FAM3B: variants seen among roughly 807,000 people sequenced by gnomAD.
FAM3B encodes FAM3 metabolism regulating signaling molecule B.
Under a neutral mutation model 28.4 loss-of-function variants are expected in FAM3B, and 29 were observed. The observed-to-expected ratio is 1.02, with a 90% CI of 0.76 to 1.39. FAM3B has a LOEUF of 1.39. Ranked by LOEUF, FAM3B falls within the 40% of genes most tolerant of loss-of-function variation. The pLI is 0.00. For missense variants in FAM3B, 266 were observed against 293.9 expected, an observed-to-expected ratio of 0.91 and a Z score of 0.69; for synonymous variants, 91 against 103.0, an observed-to-expected ratio of 0.88 and a Z score of 0.71.
chr21:41,356,766 TA>T (rs1463070763), intron 7 of FAM3B, among the ~76,000 whole-genome samples: 1 of 152,228 alleles, frequency 6.6e-6, no homozygotes, highest in African/African-American at 2.4e-5. Flanking sequence ...CAACTATAGT[TA>T]AAAATCATCT....
intron 2 of FAM3B, among the ~76,000 whole-genome samples, chr21:41,333,468 C>G (rs1389480127): frequency 6.6e-6 from 1 of 152,208 alleles, no homozygotes; most frequent in African/African-American, 2.4e-5. Context: ...CCTCTTCTCT[C>G]TCTTGTTTCT....
chr21:41,329,898 G>A (rs1017286383), intron 2 of FAM3B, among the ~76,000 whole-genome samples: 1 of 152,044 alleles, frequency 6.6e-6, no homozygotes, highest in Non-Finnish European at 1.5e-5. Context: ...GTGAAAAGGT[G>A]AAAGCTCTTG....
At chr21:41,340,388 A>G (rs28478237) in intron 3 of FAM3B, among the ~76,000 whole-genome samples, 10,297 of 152,114 alleles carry the variant, frequency 0.068, 427 homozygotes, top group African/African-American at 0.1. Context: ...TCTTGACCTC[A>G]TGATCTGCCT....
intron 3 of FAM3B, among the ~76,000 whole-genome samples, chr21:41,343,962 T>A (rs996927954): frequency 5.9e-5 from 9 of 152,124 alleles, no homozygotes; most frequent in East Asian, 1.9e-4. Context: ...TACAAAAAAA[T>A]TTTTAAAATT....
upstream of FAM3B, among the ~76,000 whole-genome samples, chr21:41,314,967 G>C (rs556514981): frequency 6.6e-6 from 1 of 152,180 alleles, no homozygotes; most frequent in Non-Finnish European, 1.5e-5. Context: ...GCAGGATCCA[G>C]AAGAGATATT....
At chr21:41,321,267 A>G (rs1439048432) in intron 1 of FAM3B, among the ~76,000 whole-genome samples, 1 of 152,206 alleles carries the variant, frequency 6.6e-6, no homozygotes, top group East Asian at 1.9e-4. Context: ...TGTCACAGGC[A>G]TGCTGGGTGG....
At chr21:41,341,987 TTA>T (rs2089010893) in intron 3 of FAM3B, among the ~76,000 whole-genome samples, 1 of 152,364 alleles carries the variant, frequency 6.6e-6, no homozygotes, top group Admixed American at 6.5e-5. Context: ...TTCTTCCAGT[TTA>T]TGTTTCTCTG....
At chr21:41,323,300 C>T (rs986806276) in intron 2 of FAM3B, among the ~76,000 whole-genome samples, 3 of 152,234 alleles carry the variant, frequency 2.0e-5, no homozygotes, top group Non-Finnish European at 4.4e-5. Context: ...CAGCACAAAC[C>T]TGCAGCCAGA....
At chr21:41,318,630 G>T (rs1255745296) in intron 1 of FAM3B, among the ~76,000 whole-genome samples, 1 of 152,170 alleles carries the variant, frequency 6.6e-6, no homozygotes, top group Non-Finnish European at 1.5e-5. Flanking sequence ...ATCTCTCCTG[G>T]CCTCTCAAGT....
intron 3 of FAM3B, among the ~76,000 whole-genome samples, chr21:41,343,576 A>T (rs1352297244): frequency 6.6e-6 from 1 of 152,208 alleles, no homozygotes; most frequent in Non-Finnish European, 1.5e-5. Flanking sequence ...AAAATATTAA[A>T]GTTCCGTGTT....
At chr21:41,311,283 T>C (rs1326895973) in intron 1 of FAM3B, among the ~76,000 whole-genome samples, 1 of 94,176 alleles carries the variant, frequency 1.1e-5, no homozygotes, top group Non-Finnish European at 2.0e-5. Context: ...TATATATATA[T>C]ATATATATAT....
upstream of FAM3B, among the ~76,000 whole-genome samples, chr21:41,312,498 C>T (rs957723158): frequency 6.6e-6 from 1 of 152,112 alleles, no homozygotes; most frequent in African/African-American, 2.4e-5. Flanking sequence ...GTTCCTGAGT[C>T]GCACCTTGAG....
chr21:41,314,235 A>G (rs1296359015), upstream of FAM3B, among the ~76,000 whole-genome samples: 1 of 152,234 alleles, frequency 6.6e-6, no homozygotes, highest in Non-Finnish European at 1.5e-5. Context: ...TCAGTCTGCA[A>G]GCCAGGGAAA....
At chr21:41,309,050 G>C (rs1365660823) in intron 1 of FAM3B, among the ~76,000 whole-genome samples, 1 of 152,148 alleles carries the variant, frequency 6.6e-6, no homozygotes, top group African/African-American at 2.4e-5. Context: ...CAACTTAAGA[G>C]ACCGAGGCTC....
chr21:41,355,367 G>A (rs759453047), intron 7 of FAM3B, among the ~76,000 whole-genome samples: 26 of 152,162 alleles, frequency 1.7e-4, no homozygotes, highest in Non-Finnish European at 3.4e-4. Context: ...AAAAACTTGT[G>A]CACAAATGTG....
At chr21:41,350,812 G>A (rs374438640) in intron 7 of FAM3B, among the ~76,000 whole-genome samples, 8 of 152,292 alleles carry the variant, frequency 5.3e-5, no homozygotes, top group South Asian at 4.1e-4. Flanking sequence ...CTCCTTCCCC[G>A]GCTCTTACCC....
At chr21:41,343,101 T>C (rs1033518394) in intron 3 of FAM3B, among the ~76,000 whole-genome samples, 2 of 152,220 alleles carry the variant, frequency 1.3e-5, no homozygotes, top group African/African-American at 4.8e-5. Context: ...CTTTCAGGAT[T>C]CAACCCTTTG....
upstream of FAM3B, among the ~76,000 whole-genome samples, chr21:41,314,825 C>T (rs2088735758): frequency 6.6e-6 from 1 of 151,564 alleles, no homozygotes; most frequent in Admixed American, 6.7e-5. Flanking sequence ...ACTGGATGCC[C>T]TGTGCACTGA....
intron 7 of FAM3B, among the ~76,000 whole-genome samples, chr21:41,351,578 G>C (rs2089120801): frequency 6.6e-6 from 1 of 152,144 alleles, no homozygotes; most frequent in Admixed American, 6.5e-5. Context: ...ATTTGTGTCT[G>C]TGTTACTTTG....
Sources: gnomAD v4.1 joint callset for allele counts (sites outside exome capture counted in the v4.1 genomes callset) on GRCh38, gnomAD v4.1.1 for gene constraint, MANE v1.5 for transcripts, NCBI Gene and HGNC (gene_info 2026-07-23, HGNC 2026-07-21) for gene names.